The following MSRB3 variants were observed in gnomAD, a reference collection of about 807,000 sequenced individuals.
MSRB3 encodes methionine sulfoxide reductase B3.
A neutral mutation model predicts 21.0 loss-of-function variants in MSRB3; 13 were observed. The observed-to-expected ratio is 0.62, with a 90% CI of 0.40 to 0.98. MSRB3 has a LOEUF of 0.98. MSRB3 is among the 50% of genes least tolerant of loss of function. The pLI is 0.00. For missense variants in MSRB3, 199 were observed against 230.3 expected, an observed-to-expected ratio of 0.86 and a Z score of 0.88; for synonymous variants, 87 against 88.6, an observed-to-expected ratio of 0.98 and a Z score of 0.10.
intron 5 of MSRB3, among the ~76,000 whole-genome samples, chr12:65,386,681 T>C (rs1450161402): frequency 6.6e-6 from 1 of 151,986 alleles, no homozygotes; most frequent in Non-Finnish European, 1.5e-5. Context: ...TTGAGCTTGC[T>C]GGTTCTTTTT....
chr12:65,419,720 G>A, intron 5 of MSRB3: 1 of 855,272 alleles, frequency 1.2e-6, no homozygotes, highest in East Asian at 2.5e-5. Context: ...TTGGTCTCTG[G>A]GCTCCTCACT....
rs199732136 is a variant in MSRB3 at position 65,337,514 on chromosome 12, A to AT, written c.263+8919dup. 6.3e-3 allele frequency among the ~76,000 whole-genome samples: 946 copies of AT among 149,580 alleles called. 6 individuals carry two copies. Among genetic ancestry groups the AT allele is most frequent in the African/African-American group, 0.021 (869 of 40,756 alleles). ...TCAAGTTATTTTAACTTTCTATCTC[A>AT]TTTTTTTTCAGCTGTTAATAGTGAG... On this transcript the variant is annotated intron_variant, in intron 4 of 6. Transcript: ENST00000308259.
At chr12:65,399,880 TTCTC>T (rs1430826640) in intron 5 of MSRB3, among the ~76,000 whole-genome samples, 1 of 152,222 alleles carries the variant, frequency 6.6e-6, no homozygotes, top group Non-Finnish European at 1.5e-5. Flanking sequence ...TTGTCATTGG[TTCTC>T]TCTATGTGAT....
intron 2 of MSRB3, among the ~76,000 whole-genome samples, chr12:65,309,541 A>G (rs1873859129): frequency 6.6e-6 from 1 of 152,190 alleles, no homozygotes; most frequent in African/African-American, 2.4e-5. Flanking sequence ...CTGTGTGAGG[A>G]CCATTAAATC....
chr12:65,312,763 G>C (rs553723162), intron 2 of MSRB3, among the ~76,000 whole-genome samples: 61 of 152,074 alleles, frequency 4.0e-4, no homozygotes, highest in African/African-American at 1.4e-3. Flanking sequence ...ATGAATCAGC[G>C]GCTTATGGCT....
At chr12:65,314,801 A>G (rs1367811973) in intron 2 of MSRB3, among the ~76,000 whole-genome samples, 2 of 152,214 alleles carry the variant, frequency 1.3e-5, no homozygotes, top group Non-Finnish European at 2.9e-5. Flanking sequence ...TTAGTTAACA[A>G]TGACTGTACA....
chr12:65,348,206 C>T (rs1371433458), intron 4 of MSRB3, among the ~76,000 whole-genome samples: 1 of 151,924 alleles, frequency 6.6e-6, no homozygotes, highest in Non-Finnish European at 1.5e-5. Flanking sequence ...CTGTGAATCC[C>T]TCTGGTCCTG....
At chr12:65,372,549 G>A (rs1048753939) in intron 5 of MSRB3, among the ~76,000 whole-genome samples, 8 of 152,292 alleles carry the variant, frequency 5.3e-5, no homozygotes, top group Middle Eastern at 3.4e-3. Flanking sequence ...AGGATTGTGT[G>A]GAGTTGGTGA....
At chr12:65,303,389 G>A (rs1381784178) in intron 1 of MSRB3, among the ~76,000 whole-genome samples, 1 of 152,146 alleles carries the variant, frequency 6.6e-6, no homozygotes, top group Non-Finnish European at 1.5e-5. Flanking sequence ...AGATGAAGAA[G>A]TAGAGATTTT....
At chr12:65,413,617 A>G (rs1188398911) in intron 5 of MSRB3, among the ~76,000 whole-genome samples, 1 of 152,188 alleles carries the variant, frequency 6.6e-6, no homozygotes, top group African/African-American at 2.4e-5. Context: ...TTACTATGTG[A>G]CAATCACTGT....
chr12:65,406,936 T>A (rs550746756), intron 5 of MSRB3, among the ~76,000 whole-genome samples: 91 of 152,316 alleles, frequency 6.0e-4, no homozygotes, highest in African/African-American at 2.2e-3. Context: ...CAGCCGTCAT[T>A]AGAAATTGAA....
At chr12:65,363,146 A>G (rs1877807489) in intron 4 of MSRB3, among the ~76,000 whole-genome samples, 2 of 152,200 alleles carry the variant, frequency 1.3e-5, no homozygotes, top group Admixed American at 1.3e-4. Flanking sequence ...TAAAAACATT[A>G]AGAACAGCAC....
chr12:65,311,627 T>C (rs374126242), intron 2 of MSRB3, among the ~76,000 whole-genome samples: 6 of 152,016 alleles, frequency 3.9e-5, no homozygotes, highest in African/African-American at 1.4e-4. Context: ...GAGGCCAAAA[T>C]TGGAAATACA....
intron 5 of MSRB3, among the ~76,000 whole-genome samples, chr12:65,411,463 A>C (rs1324693873): frequency 6.6e-6 from 1 of 152,102 alleles, no homozygotes; most frequent in Non-Finnish European, 1.5e-5. Flanking sequence ...CCTTTTTAAA[A>C]CCTCACAAGT....
chr12:65,425,811 G>C (rs1282059774), intron 5 of MSRB3, among the ~76,000 whole-genome samples: 1 of 151,970 alleles, frequency 6.6e-6, no homozygotes, highest in Admixed American at 6.6e-5. Context: ...AAAGTATCCT[G>C]AATTTGAGGA....
chr12:65,306,850 C>T (rs1873681765), intron 1 of MSRB3: 4 of 985,834 alleles, frequency 4.1e-6, no homozygotes, highest in Non-Finnish European at 4.8e-6. Context: ...TTTGTTCTTT[C>T]CCTGACCTGC....
intron 3 of MSRB3, 137 bp downstream of exon 3, chr12:65,327,071 AG>A: frequency 1.4e-6 from 1 of 704,574 alleles, no homozygotes; most frequent in East Asian, 2.7e-5. Flanking sequence ...ATCCTTGAAA[AG>A]GTTAAAATGG....
chr12:65,340,631 A>G (rs545822541), intron 4 of MSRB3, among the ~76,000 whole-genome samples: 55 of 152,298 alleles, frequency 3.6e-4, no homozygotes, highest in Non-Finnish European at 6.5e-4. Context: ...GAACTGTTAA[A>G]TAAATTCTAG....
At chr12:65,339,159 GGT>G (rs1337433376) in intron 4 of MSRB3, among the ~76,000 whole-genome samples, 1 of 152,198 alleles carries the variant, frequency 6.6e-6, no homozygotes, top group Non-Finnish European at 1.5e-5. Flanking sequence ...CTAACAGAAA[GGT>G]GTTTCTCAGC....
Sources: gnomAD v4.1 joint callset for allele counts (sites outside exome capture counted in the v4.1 genomes callset) on GRCh38, gnomAD v4.1.1 for gene constraint, MANE v1.5 for transcripts, NCBI Gene and HGNC (gene_info 2026-07-23, HGNC 2026-07-21) for gene names.